The following SHQ1 variants were observed in gnomAD, a reference collection of about 807,000 sequenced individuals.
SHQ1 encodes protein SHQ1 homolog.
SHQ1 carries 49 observed loss-of-function variants against 53.8 expected under a neutral mutation model. That is an observed-to-expected ratio of 0.91 (90% CI 0.72 to 1.16). The LOEUF is 1.16. SHQ1 is among the 50% of genes most tolerant of loss of function. The pLI is 0.00. For missense variants in SHQ1, 738 were observed against 683.1 expected, an observed-to-expected ratio of 1.08 and a Z score of -0.90; for synonymous variants, 243 against 251.0, an observed-to-expected ratio of 0.97 and a Z score of 0.30.
chr3:72,843,748 C>A (rs1228498939), intron 2 of SHQ1, among the ~76,000 whole-genome samples: 2 of 151,576 alleles, frequency 1.3e-5, no homozygotes, highest in East Asian at 3.8e-4. Flanking sequence ...TTAACCCACC[C>A]CCCCATACCC....
chr3:72,808,990 G>A (rs993196323), intron 9 of SHQ1, among the ~76,000 whole-genome samples: 1 of 152,180 alleles, frequency 6.6e-6, no homozygotes, highest in Non-Finnish European at 1.5e-5. Context: ...GTGGGTGCAG[G>A]AAGGAGGTGC....
the SHQ1 span, among the ~76,000 whole-genome samples, chr3:72,730,307 G>T: frequency 0.014 from 2,144 of 152,130 alleles, 50 homozygotes; most frequent in African/African-American, 0.049. Flanking sequence ...TAGAGATGGG[G>T]TATCACTATG....
chr3:72,844,427 C>A lies in SHQ1; in HGVS notation c.144-4G>T, dbSNP rs1452067377. The A allele has an allele frequency of 1.9e-6, 3 of 1,612,908 alleles. No individual in the cohort carries two copies. Among genetic ancestry groups the A allele is most frequent in the Admixed American group, 1.7e-5 (1 of 60,006 alleles). ...AATTCTTCCAGGAAGGGTTAATCTG[C>A]AGATTTAACACAGGTCTCATGAAGT... On this transcript the variant is annotated splice_region_variant and splice_polypyrimidine_tract_variant and intron_variant, in intron 1 of 10. Transcript: ENST00000325599.
At chr3:72,841,255 G>A (rs1476619346) in intron 3 of SHQ1, 56 bp from the exon 4 acceptor site, 2 of 1,381,598 alleles carry the variant, frequency 1.4e-6, no homozygotes, top group South Asian at 1.5e-5. Flanking sequence ...ACAACTAGGG[G>A]AAGAAAAAGT....
chr3:72,728,442 A>G, the SHQ1 span, among the ~76,000 whole-genome samples: 3 of 152,166 alleles, frequency 2.0e-5, no homozygotes, highest in Admixed American at 6.5e-5. Flanking sequence ...GCAGCTATAG[A>G]CACATCCACC....
downstream of SHQ1, among the ~76,000 whole-genome samples, chr3:72,745,292 AACC>A: frequency 6.6e-6 from 1 of 152,160 alleles, no homozygotes; most frequent in African/African-American, 2.4e-5. Flanking sequence ...CCCAGCTGTC[AACC>A]AATTTAGAAT....
At chr3:72,729,389 C>T in the SHQ1 span, among the ~76,000 whole-genome samples, 81 of 152,318 alleles carry the variant, frequency 5.3e-4, no homozygotes, top group African/African-American at 1.9e-3. Context: ...CCTGGGGCCG[C>T]TGCTCGTGCT....
intron 9 of SHQ1, among the ~76,000 whole-genome samples, chr3:72,805,234 G>A (rs2106835404): frequency 6.6e-6 from 1 of 152,288 alleles, no homozygotes; most frequent in African/African-American, 2.4e-5. Context: ...GACCACTGTT[G>A]TACATGTGGT....
At chr3:72,757,963 C>G (rs528671194) in intron 10 of SHQ1, among the ~76,000 whole-genome samples, 8 of 152,266 alleles carry the variant, frequency 5.3e-5, no homozygotes, top group African/African-American at 1.9e-4. Context: ...GCACGTGTCC[C>G]TGAACTTAAA....
At chr3:72,791,785 CA>C (rs1559673861) in intron 10 of SHQ1, among the ~76,000 whole-genome samples, 1 of 152,004 alleles carries the variant, frequency 6.6e-6, no homozygotes, top group African/African-American at 2.4e-5. Context: ...CTCCTGAACT[CA>C]AGCGATCCTC....
intron 10 of SHQ1, among the ~76,000 whole-genome samples, chr3:72,781,163 G>T (rs776352314): frequency 6.6e-6 from 1 of 150,784 alleles, no homozygotes; most frequent in Non-Finnish European, 1.5e-5. Flanking sequence ...AGGTTCCAGC[G>T]ATTCTCGTGC....
At chr3:72,791,752 AT>A (rs1200237283) in intron 10 of SHQ1, among the ~76,000 whole-genome samples, 1 of 151,694 alleles carries the variant, frequency 6.6e-6, no homozygotes, top group Non-Finnish European at 1.5e-5. Context: ...GGGTCTCACT[AT>A]GTTGCCCAGG....
At chr3:72,794,443 T>C (rs1382673433) in intron 9 of SHQ1, 1 of 152,238 alleles carries the variant, frequency 6.6e-6, no homozygotes, top group Non-Finnish European at 1.5e-5. Flanking sequence ...ATAGACACAG[T>C]AATCACCCAG....
intron 10 of SHQ1, among the ~76,000 whole-genome samples, chr3:72,761,146 A>C (rs1255097632): frequency 1.3e-5 from 2 of 152,066 alleles, no homozygotes; most frequent in African/African-American, 2.4e-5. Context: ...GGGGAAATAA[A>C]ATTTTTATTT....
chr3:72,800,185 C>T (rs1162956859), intron 9 of SHQ1, among the ~76,000 whole-genome samples: 7 of 152,134 alleles, frequency 4.6e-5, no homozygotes, highest in East Asian at 1.9e-4. Flanking sequence ...CCCTCTGCCA[C>T]GTTCTGATAC....
the SHQ1 span, among the ~76,000 whole-genome samples, chr3:72,741,698 G>A: frequency 3.4e-4 from 51 of 152,158 alleles, no homozygotes; most frequent in Non-Finnish European, 6.5e-4. Flanking sequence ...AATGACAGAT[G>A]TTATTACATT....
chr3:72,812,193 A>G (rs760837831), intron 9 of SHQ1, among the ~76,000 whole-genome samples: 22 of 152,184 alleles, frequency 1.4e-4, no homozygotes, highest in Non-Finnish European at 2.8e-4. Flanking sequence ...TCTAGGTTAC[A>G]TGTCCCCTCC....
At position 72,798,439 on chromosome 3, in the gene SHQ1, G is replaced by C. The variant is rs141123134; in HGVS notation, c.1061-5403C>G. On this transcript the variant is annotated intron_variant, in intron 9 of 10. Coordinates refer to ENST00000325599, the MANE Select transcript of SHQ1 (RefSeq NM_018130.3). ...ACAAGTGCCATGAATGTTTTACTTC[G>C]GGGAAAGACTAATGACAACACAGAG... 2.6e-5 allele frequency among the ~76,000 whole-genome samples: 4 copies of C among 152,234 alleles called. No homozygotes were observed. In the East Asian group the frequency reaches 7.7e-4, roughly 29 times the overall value.
At chr3:72,737,401 T>TG in the SHQ1 span, among the ~76,000 whole-genome samples, 10 of 151,762 alleles carry the variant, frequency 6.6e-5, no homozygotes, top group Non-Finnish European at 1.5e-4. Context: ...GAAGGAGAAC[T>TG]GGGGAAATTT....
Sources: allele counts gnomAD v4.1 joint callset (sites outside exome capture counted in the v4.1 genomes callset), GRCh38; gene constraint gnomAD v4.1.1; transcripts MANE v1.5; gene names NCBI Gene and HGNC (gene_info 2026-07-23, HGNC 2026-07-21).